Variants in TACR3 observed in about 807,000 individuals in gnomAD.
TACR3 encodes neuromedin-K receptor.
In TACR3, 34 loss-of-function variants were observed where a neutral mutation model predicts 35.0. That is an observed-to-expected ratio of 0.97 (90% CI 0.74 to 1.30). TACR3 has a LOEUF of 1.30. Among genes scored for constraint, TACR3 ranks in the 50% most tolerant of loss-of-function variants. TACR3 has a pLI of 0.00. For synonymous variants in TACR3, 233 were observed against 221.1 expected (o/e 1.05, Z -0.48); for missense variants, 558 against 591.7 (o/e 0.94, Z 0.59).
chr4:103,692,181 G>T (rs564166083), intron 1 of TACR3, among the ~76,000 whole-genome samples: 1 of 152,098 alleles, frequency 6.6e-6, no homozygotes, highest in Non-Finnish European at 1.5e-5. Context: ...AATCAAATTT[G>T]TGATTTCTTA....
chr4:103,648,951 G>C (rs1457583784), intron 3 of TACR3, among the ~76,000 whole-genome samples: 22 of 152,010 alleles, frequency 1.4e-4, no homozygotes. Context: ...CAGGATTTGT[G>C]ATTGCCTGAC....
At chr4:103,633,881 T>G (rs1282944637) in intron 3 of TACR3, among the ~76,000 whole-genome samples, 1 of 151,968 alleles carries the variant, frequency 6.6e-6, no homozygotes, top group Non-Finnish European at 1.5e-5. Context: ...AGTTAGTTCT[T>G]TTTTTAAAAA....
At chr4:103,713,201 A>T (rs1240794378) in intron 1 of TACR3, among the ~76,000 whole-genome samples, 1 of 152,112 alleles carries the variant, frequency 6.6e-6, no homozygotes, top group African/African-American at 2.4e-5. Flanking sequence ...CACTACTCAC[A>T]ATAGCAAAGA....
intron 3 of TACR3, among the ~76,000 whole-genome samples, chr4:103,650,659 T>A (rs1359147263): frequency 2.3e-5 from 1 of 43,046 alleles, no homozygotes; most frequent in African/African-American, 2.1e-4. Context: ...TATATAAATA[T>A]ATATAAATAA....
intron 1 of TACR3, among the ~76,000 whole-genome samples, chr4:103,708,116 A>T (rs138128859): frequency 0.029 from 4,377 of 152,280 alleles, 235 homozygotes; most frequent in African/African-American, 0.1. Context: ...TCCTCTGCAG[A>T]CGTAAATGTC....
At chr4:103,658,508 C>A in intron 1 of TACR3, 105 bp from the exon 2 acceptor site, 1 of 1,094,572 alleles carries the variant, frequency 9.1e-7, no homozygotes, top group Non-Finnish European at 1.3e-6. Flanking sequence ...ACAGTCATTG[C>A]TCTTTTGGGA....
chr4:103,683,889 C>A (rs368675057), intron 1 of TACR3, among the ~76,000 whole-genome samples: 1 of 151,612 alleles, frequency 6.6e-6, no homozygotes, highest in Non-Finnish European at 1.5e-5. Flanking sequence ...GAGAGCCAGA[C>A]AGAAATACAT....
At chr4:103,702,983 A>G (rs961736014) in intron 1 of TACR3, among the ~76,000 whole-genome samples, 3 of 151,964 alleles carry the variant, frequency 2.0e-5, no homozygotes, top group African/African-American at 7.2e-5. Context: ...GCACACCAAC[A>G]TGGCACATGT....
chr4:103,628,963 TG>T (rs1466250361), intron 3 of TACR3, among the ~76,000 whole-genome samples: 1 of 152,172 alleles, frequency 6.6e-6, no homozygotes, highest in Non-Finnish European at 1.5e-5. Flanking sequence ...GCTTCATCCC[TG>T]GGATGCAAGG....
At chr4:103,633,042 C>T (rs1725102359) in intron 3 of TACR3, among the ~76,000 whole-genome samples, 1 of 120,504 alleles carries the variant, frequency 8.3e-6, no homozygotes, top group African/African-American at 3.4e-5. Flanking sequence ...TAATTATTTT[C>T]CTGACATCTT....
chr4:103,712,568 G>A (rs1722994655), intron 1 of TACR3, among the ~76,000 whole-genome samples: 1 of 152,152 alleles, frequency 6.6e-6, no homozygotes, highest in African/African-American at 2.4e-5. Flanking sequence ...GCATGGGCAA[G>A]GACTTTATGA....
At chr4:103,681,558 A>T (rs917447807) in intron 1 of TACR3, among the ~76,000 whole-genome samples, 4 of 152,158 alleles carry the variant, frequency 2.6e-5, no homozygotes, top group Non-Finnish European at 5.9e-5. Flanking sequence ...GGATCAATTT[A>T]CCAAGAAGAC....
At chr4:103,650,618 T>TTATATATAAATATATAATATATATTTAA (rs1325790656) in intron 3 of TACR3, among the ~76,000 whole-genome samples, 5 of 86,012 alleles carry the variant, frequency 5.8e-5, no homozygotes, top group East Asian at 2.5e-4. Context: ...TATAAATATA[T>TTATATATAAATATATAATATATATTTAA]TATATATAAA....
intron 3 of TACR3, among the ~76,000 whole-genome samples, chr4:103,638,204 A>C (rs1033459272): frequency 6.6e-6 from 1 of 151,818 alleles, no homozygotes. Context: ...ACAAGGCTAC[A>C]GTAACCAAAA....
At chr4:103,639,536 A>C (rs936569559) in intron 3 of TACR3, among the ~76,000 whole-genome samples, 1 of 152,124 alleles carries the variant, frequency 6.6e-6, no homozygotes, top group Non-Finnish European at 1.5e-5. Flanking sequence ...GCACATGTAT[A>C]CATATGTAAC....
intron 3 of TACR3, among the ~76,000 whole-genome samples, chr4:103,633,645 G>A (rs1024495313): frequency 3.3e-5 from 5 of 152,022 alleles, no homozygotes; most frequent in Non-Finnish European, 7.3e-5. Context: ...CCCACAATCA[G>A]TGAGAACATA....
intron 3 of TACR3, among the ~76,000 whole-genome samples, chr4:103,621,961 A>T (rs1724790992): frequency 6.6e-6 from 1 of 152,244 alleles, no homozygotes; most frequent in Non-Finnish European, 1.5e-5. Context: ...GTATAAAAAT[A>T]TAAAGAATGG....
intron 4 of TACR3, 115 bp downstream of exon 4, chr4:103,591,372 A>T: frequency 7.9e-7 from 1 of 1,272,882 alleles, no homozygotes; most frequent in Non-Finnish European, 1.1e-6. Context: ...GTGAATTCTT[A>T]AATTTTCCCT....
chr4:103,621,785 A>T (rs914840855), intron 3 of TACR3, among the ~76,000 whole-genome samples: 1 of 152,198 alleles, frequency 6.6e-6, no homozygotes, highest in Non-Finnish European at 1.5e-5. Flanking sequence ...TCTACTACAC[A>T]TAGGTTTGGA....
Sources: allele counts gnomAD v4.1 joint callset (sites outside exome capture counted in the v4.1 genomes callset), GRCh38; gene constraint gnomAD v4.1.1; transcripts MANE v1.5; gene names NCBI Gene and HGNC (gene_info 2026-07-23, HGNC 2026-07-21).